Variants in PCDHGB4 observed in about 807,000 individuals in gnomAD.
The protein encoded by PCDHGB4 is protocadherin gamma-B4.
Under a neutral mutation model 60.5 loss-of-function variants are expected in PCDHGB4, and 38 were observed. The observed-to-expected ratio is 0.63, with a 90% CI of 0.48 to 0.82. The LOEUF is 0.82. PCDHGB4 is among the 40% of genes least tolerant of loss of function. PCDHGB4 has a pLI of 0.00. For missense variants in PCDHGB4, 1,109 were observed against 1,209.6 expected (o/e 0.92, Z 1.23); for synonymous variants, 456 against 509.7 (o/e 0.89, Z 1.42).
intron 1 of PCDHGB4, chr5:141,430,711 C>T (rs2097304226): frequency 1.3e-6 from 2 of 1,483,856 alleles, no homozygotes; most frequent in African/African-American, 2.8e-5. Context: ...CTGCTCCTGA[C>T]TTCAGTGGTT....
At chr5:141,417,602 C>T (rs556223277) in intron 1 of PCDHGB4, 2 of 510,170 alleles carry the variant, frequency 3.9e-6, no homozygotes, top group Admixed American at 3.8e-5. Context: ...TGGGCGCCGC[C>T]GTCGGCCAGT....
At chr5:141,481,982 G>A (rs1378873905) in intron 1 of PCDHGB4, among the ~76,000 whole-genome samples, 2 of 151,628 alleles carry the variant, frequency 1.3e-5, no homozygotes, top group African/African-American at 2.4e-5. Context: ...CTACTTGGGA[G>A]GTTGAAGCAG....
chr5:141,433,080 A>T lies in PCDHGB4; in HGVS notation c.2397+42799A>T, dbSNP rs1315049041. 4.3e-6 allele frequency: 7 copies of T among 1,614,174 alleles called. No homozygotes were observed. The East Asian group carries it at 1.6e-4, about 36-fold the overall frequency. ...AGTCACCTGATCTTCCCCCAGCCCA[A>T]CTATGCAGACATGCTCGTCAGCCAG... On this transcript the variant is annotated intron_variant, in intron 1 of 3. Transcript: ENST00000519479.
intron 1 of PCDHGB4, chr5:141,408,692 A>C: frequency 6.2e-7 from 1 of 1,613,906 alleles, no homozygotes; most frequent in Non-Finnish European, 8.5e-7. Context: ...TGATATAAAC[A>C]TAAACTCAAT....
intron 1 of PCDHGB4, chr5:141,399,180 G>T (rs1454578078): frequency 3.7e-6 from 6 of 1,613,798 alleles, no homozygotes; most frequent in Admixed American, 1.7e-5. Flanking sequence ...TACTTGAAAT[G>T]ATTCTGGAAA....
chr5:141,410,450 T>G, intron 1 of PCDHGB4: 1 of 1,614,052 alleles, frequency 6.2e-7, no homozygotes, highest in Non-Finnish European at 8.5e-7. Flanking sequence ...GACTTTGCCT[T>G]ATTCTTATAA....
rs1211398299 is a variant in PCDHGB4 at position 141,420,143 on chromosome 5, A to G, written c.2397+29862A>G. The G allele has an allele frequency of 1.2e-6, 2 of 1,614,052 alleles. No homozygotes were observed. The highest frequency in any genetic ancestry group is 2.2e-5 in the East Asian group (1 of 44,888). On this transcript the variant is annotated intron_variant, in intron 1 of 3. Transcript: ENST00000519479. The stretch of plus-strand genomic sequence containing the variant: ...TTTTTGTGTGCCTGGGGATCAAATG[A>G]ATCCAGAATTTAATTTTTTCACATC...
At chr5:141,414,567 T>C in intron 1 of PCDHGB4, 1 of 1,613,962 alleles carries the variant, frequency 6.2e-7, no homozygotes, top group Non-Finnish European at 8.5e-7. Context: ...ACTTTACCTA[T>C]ATCCCAGAGA....
chr5:141,460,979 GTGTGTATATATATATA>G (rs2099004425), intron 1 of PCDHGB4, among the ~76,000 whole-genome samples: 1 of 134,290 alleles, frequency 7.4e-6, no homozygotes, highest in Non-Finnish European at 1.5e-5. Flanking sequence ...GTGTGTGTGT[GTGTGTATATATATATA>G]TGTGTATATA....
rs780788394 is a variant in PCDHGB4 at position 141,491,675 on chromosome 5, C to T, written c.2398-3132C>T. ...GAGCCTGACGCCATCCGGTCCCGCT[C>T]TAATACGCTGCGGGAGCGGAGCCAG... On this transcript the variant is annotated intron_variant, in intron 1 of 3. Transcript: ENST00000519479. The surrounding 1 kb of genome is among the most constrained non-coding windows in gnomAD (Gnocchi z 6.9). 6 of 1,613,450 alleles carry T rather than the reference C, an allele frequency of 3.7e-6. No homozygotes were observed. The African/African-American group carries it at 8.0e-5, about 22-fold the overall frequency.
At chr5:141,465,144 T>A (rs965605798) in intron 1 of PCDHGB4, among the ~76,000 whole-genome samples, 4 of 152,008 alleles carry the variant, frequency 2.6e-5, no homozygotes, top group Admixed American at 6.6e-5. Flanking sequence ...TTAGGGGATA[T>A]ATGAAGGGAC....
chr5:141,394,529 C>T, intron 1 of PCDHGB4: 2 of 1,614,216 alleles, frequency 1.2e-6, no homozygotes, highest in Non-Finnish European at 8.5e-7. Flanking sequence ...CAGACGGTTC[C>T]ACTGGCGTGG....
intron 1 of PCDHGB4, among the ~76,000 whole-genome samples, chr5:141,464,132 G>A (rs1432411937): frequency 6.6e-6 from 1 of 152,076 alleles, no homozygotes; most frequent in Non-Finnish European, 1.5e-5. Flanking sequence ...GGGTGTGGTG[G>A]TGGGCGCCTG....
At chr5:141,443,615 C>T (rs1430581477) in intron 1 of PCDHGB4, among the ~76,000 whole-genome samples, 3 of 152,198 alleles carry the variant, frequency 2.0e-5, no homozygotes, top group Non-Finnish European at 4.4e-5. Flanking sequence ...TTCTTATAAT[C>T]AGGTGATTGT....
At chr5:141,395,078 G>T (rs756312673) in intron 1 of PCDHGB4, 3 of 1,614,126 alleles carry the variant, frequency 1.9e-6, no homozygotes, top group South Asian at 1.1e-5. Context: ...CCTATTCCCA[G>T]GAAGTCTCCC....
chr5:141,408,290 A>T (rs767669019), intron 1 of PCDHGB4: 80 of 1,613,008 alleles, frequency 5.0e-5, no homozygotes, highest in Non-Finnish European at 6.1e-5. Context: ...CCCCACCCTG[A>T]GTGAGCCGAT....
chr5:141,405,345 A>C (rs758657243), intron 1 of PCDHGB4: 2 of 1,613,944 alleles, frequency 1.2e-6, no homozygotes, highest in Middle Eastern at 1.6e-4. Context: ...GTTGATTCCA[A>C]GTTTCCTATA....
Position 141,431,228 on chromosome 5 carries a change from GC to G in PCDHGB4, c.2397+40949del. The G allele has an allele frequency of 6.2e-7, 1 of 1,614,118 alleles. No homozygotes were observed. Among genetic ancestry groups the G allele is most frequent in the Non-Finnish European group, 8.5e-7 (1 of 1,180,030 alleles). On this transcript the variant is annotated intron_variant, in intron 1 of 3. Transcript: ENST00000519479. This position sits in a 1 kb window ranked among gnomAD's most constrained non-coding sequence, Gnocchi z 4.8. ...TGAGATGCGGTTCCCTCTACCCCAC[GC>G]CTGGGATCCGGATATCGGGAAGAAC...
chr5:141,473,269 A>G (rs2099318337), intron 1 of PCDHGB4, among the ~76,000 whole-genome samples: 1 of 152,208 alleles, frequency 6.6e-6, no homozygotes. Flanking sequence ...AGTGTATGCT[A>G]TGATTATTTT....
Sources: allele counts gnomAD v4.1 joint callset (sites outside exome capture counted in the v4.1 genomes callset), GRCh38; gene constraint gnomAD v4.1.1; non-coding constraint Gnocchi (gnomAD v3.1); transcripts MANE v1.5; gene names NCBI Gene and HGNC (gene_info 2026-07-23, HGNC 2026-07-21).